Variants in MYO5C observed in about 807,000 individuals in gnomAD.
MYO5C encodes the protein myosin VC, also known as unconventional myosin-Vc.
In MYO5C, 194 loss-of-function variants were observed where a neutral mutation model predicts 235.7. The observed-to-expected ratio is 0.82, with a 90% CI of 0.73 to 0.93. The LOEUF (loss-of-function observed/expected upper bound fraction) is 0.93. Ranked by LOEUF, MYO5C falls within the 40% of genes least tolerant of loss-of-function variation. MYO5C has a pLI of 0.00. For missense variants in MYO5C, 2,038 were observed against 2,127.2 expected (o/e 0.96, Z 0.82); for synonymous variants, 707 against 754.8 (o/e 0.94, Z 1.04).
intron 25 of MYO5C, among the ~76,000 whole-genome samples, chr15:52,228,169 A>T (rs1566970131): frequency 1.3e-5 from 2 of 150,850 alleles, no homozygotes; most frequent in Admixed American, 1.3e-4. Context: ...TTTGAGACGG[A>T]GTCTCGGTCT....
At chr15:52,242,536 C>T (rs192905691) in intron 19 of MYO5C, 11 of 217,976 alleles carry the variant, frequency 5.0e-5, no homozygotes, top group African/African-American at 1.1e-4. Flanking sequence ...ATATCCCCCA[C>T]GGCTGCTTTC....
Position 52,223,641 on chromosome 15 carries a change from C to A in MYO5C, c.3530G>T (p.Ser1177Ile). The change falls in exon 29 of 41, where the codon AGT (serine) becomes ATT (isoleucine). Residue 1177 changes from serine to isoleucine, a missense_variant. By Grantham distance (142) the Ser-to-Ile change is moderately radical (BLOSUM62 -2). Coordinates refer to ENST00000261839, the MANE Select transcript of MYO5C (RefSeq NM_018728.4). ...CTTCTGCAGGTGGTTGATTTCTTGACTGAGATGCACCACTTTGAAGTTCAA... is the reference window on the plus strand; with the variant it reads ...CTTCTGCAGGTGGTTGATTTCTTGAATGAGATGCACCACTTTGAAGTTCAA... ...EALNFKVVHL[S>I]QEINHLQKLF... is the part of the protein sequence containing the mutation. The A allele has an allele frequency of 6.2e-7, 1 of 1,614,192 alleles. No individual in the cohort carries two copies. The highest frequency in any genetic ancestry group is 8.5e-7 in the Non-Finnish European group (1 of 1,180,030).
chr15:52,220,892 C>G (rs1002527778), intron 30 of MYO5C, among the ~76,000 whole-genome samples: 8 of 151,706 alleles, frequency 5.3e-5, no homozygotes, highest in Non-Finnish European at 1.0e-4. Flanking sequence ...TGGTCTCAAA[C>G]TCGAACTCCT....
At position 52,226,083 on chromosome 15, in the gene MYO5C, A is replaced by G. The variant is rs2035815535; in HGVS notation, c.3208-551T>C. Among the ~76,000 whole-genome samples, 2 of 150,842 alleles carry G rather than the reference A, an allele frequency of 1.3e-5. 1 individual carries two copies. Among genetic ancestry groups the G allele is most frequent in the South Asian group, 4.2e-4 (2 of 4,806 alleles). ...AAAAAAATTAACTTCCCTGTTACATAAAGAAAAAAAAATACCTACTATAAG... is the reference window on the plus strand; with the variant it reads ...AAAAAAATTAACTTCCCTGTTACATGAAGAAAAAAAAATACCTACTATAAG... On this transcript the variant is annotated intron_variant, in intron 25 of 40. Transcript: ENST00000261839.
chr15:52,278,444 T>C (rs146819370), intron 4 of MYO5C, among the ~76,000 whole-genome samples: 2 of 151,842 alleles, frequency 1.3e-5, no homozygotes, highest in African/African-American at 2.4e-5. Flanking sequence ...TACAAACACC[T>C]AGCAGTGAAA....
intron 14 of MYO5C, among the ~76,000 whole-genome samples, 200 bp from the exon 15 acceptor site, chr15:52,247,792 G>A (rs2036385767): frequency 6.6e-6 from 1 of 152,156 alleles, no homozygotes; most frequent in Admixed American, 6.5e-5. Context: ...CCGAGAAGGG[G>A]AACAGAGAAG....
intron 11 of MYO5C, 48 bp downstream of exon 11, chr15:52,256,591 G>GCGCGCGCC (rs773963470): frequency 1.2e-5 from 13 of 1,089,192 alleles, no homozygotes; most frequent in South Asian, 1.5e-5. Flanking sequence ...ACACACACGC[G>GCGCGCGCC]CGCGCGCGCG....
intron 9 of MYO5C, among the ~76,000 whole-genome samples, chr15:52,263,819 A>G (rs1314976792): frequency 6.6e-6 from 1 of 151,940 alleles, no homozygotes; most frequent in Non-Finnish European, 1.5e-5. Context: ...GCCAGAGCCC[A>G]TATTTGCTTG....
chr15:52,212,310 C>G (rs2278296), intron 34 of MYO5C, among the ~76,000 whole-genome samples: 2 of 151,914 alleles, frequency 1.3e-5, no homozygotes, highest in African/African-American at 4.8e-5. Context: ...GCAGAGGATG[C>G]CTGGCTGGCC....
chr15:52,245,534 C>A (rs1178321643), intron 17 of MYO5C, 69 bp from the exon 18 acceptor site: 14 of 1,037,078 alleles, frequency 1.3e-5, no homozygotes, highest in Admixed American at 1.7e-5. Flanking sequence ...GACTCCGCTG[C>A]CTTACCTGCC....
At chr15:52,219,945 C>G in intron 30 of MYO5C, 123 bp from the exon 31 acceptor site, 1 of 668,990 alleles carries the variant, frequency 1.5e-6, no homozygotes, top group South Asian at 1.8e-5. Context: ...TTTGGCTTCT[C>G]TGGCCCATAT....
chr15:52,254,236 G>A (rs1596196278), intron 11 of MYO5C, among the ~76,000 whole-genome samples: 4 of 152,330 alleles, frequency 2.6e-5, no homozygotes, highest in East Asian at 1.9e-4. Flanking sequence ...GCTGGAGGGC[G>A]GAGGGGTTAT....
rs1596227267 is a variant in MYO5C at position 52,279,141 on chromosome 15, A to T, written c.305-124T>A. The T allele has an allele frequency of 1.2e-5, 12 of 978,094 alleles. No individual in the cohort carries two copies. The East Asian group carries it at 3.0e-4, about 24-fold the overall frequency. The allele number at this position is 978,094 out of a possible 1,614,324, so 60.6% of individuals were successfully genotyped here. On this transcript the variant is annotated intron_variant, in intron 3 of 40. Coordinates refer to ENST00000261839, the MANE Select transcript of MYO5C (RefSeq NM_018728.4). ...CCTTCTGTGTGACTTTGGGCAAGTCACTTCACGCACTGAATTAATTCCCTG... is the reference window on the plus strand; with the variant it reads ...CCTTCTGTGTGACTTTGGGCAAGTCTCTTCACGCACTGAATTAATTCCCTG...
At chr15:52,280,304 G>C (rs771298118) in intron 2 of MYO5C, among the ~76,000 whole-genome samples, 10 of 152,220 alleles carry the variant, frequency 6.6e-5, no homozygotes, top group Non-Finnish European at 1.3e-4. Flanking sequence ...CCCCCAGCAG[G>C]GCTGTCTATT....
At chr15:52,213,385 G>A (rs545263124) in intron 33 of MYO5C, 99 bp from the exon 34 acceptor site, 384 of 784,670 alleles carry the variant, frequency 4.9e-4, no homozygotes, top group Non-Finnish European at 7.8e-4. Flanking sequence ...TGGTTTGCAC[G>A]TAAATGTCTG....
rs2035672820 is a variant in MYO5C, at chr15:52,221,149, G to A, written c.3721+13C>T. 6.2e-7 allele frequency: 1 copy of A among 1,601,396 alleles called. No homozygotes were observed. Among genetic ancestry groups the A allele is most frequent in the East Asian group, 2.2e-5 (1 of 44,790 alleles). ...CCGTTTTCTAAAAGCAGGTTAATGA[G>A]GGTTTCAGTTACCTTTCATTTTCTC... On this transcript the variant is annotated intron_variant, in intron 30 of 40. Transcript: ENST00000261839.
chr15:52,283,173 A>T (rs1221157361), intron 1 of MYO5C, among the ~76,000 whole-genome samples: 1 of 152,132 alleles, frequency 6.6e-6, no homozygotes. Flanking sequence ...CTTAATGGAA[A>T]CATCTCACGG....
intron 8 of MYO5C, among the ~76,000 whole-genome samples, chr15:52,265,617 C>T (rs1054607217): frequency 2.0e-5 from 3 of 151,826 alleles, no homozygotes; most frequent in African/African-American, 7.3e-5. Context: ...TGGCTCACTG[C>T]AGCCTCGACC....
chr15:52,250,927 A>G (rs1281906639), intron 13 of MYO5C: 1 of 152,346 alleles, frequency 6.6e-6, no homozygotes, highest in Non-Finnish European at 1.5e-5. Flanking sequence ...AAGAAAAAGG[A>G]GACGTATAAA....
Sources: gnomAD v4.1 joint callset for allele counts (sites outside exome capture counted in the v4.1 genomes callset) on GRCh38, gnomAD v4.1.1 for gene constraint, MANE v1.5 for transcripts, NCBI Gene and HGNC (gene_info 2026-07-23, HGNC 2026-07-21) for gene names.